The following SLC13A3 variants were observed in gnomAD, a reference collection of about 807,000 sequenced individuals.
The protein encoded by SLC13A3 is solute carrier family 13 member 3.
A neutral mutation model predicts 59.0 loss-of-function variants in SLC13A3; 40 were observed. That is an observed-to-expected ratio of 0.68 (90% CI 0.53 to 0.88). SLC13A3 has a LOEUF of 0.88. Ranked by LOEUF, SLC13A3 falls within the 40% of genes least tolerant of loss-of-function variation. The pLI is 0.00. For synonymous variants in SLC13A3, 317 were observed against 330.3 expected (o/e 0.96, Z 0.44); for missense variants, 699 against 783.2 (o/e 0.89, Z 1.28).
chr20:46,603,927 G>A (rs971724507), intron 3 of SLC13A3, among the ~76,000 whole-genome samples: 1 of 150,354 alleles, frequency 6.7e-6, no homozygotes, highest in Non-Finnish European at 1.5e-5. Context: ...GGAGGTCAAG[G>A]CTGCAGTGAA....
upstream of SLC13A3, among the ~76,000 whole-genome samples, chr20:46,674,400 T>G (rs944300986): frequency 6.6e-6 from 1 of 152,126 alleles, no homozygotes; most frequent in African/African-American, 2.4e-5. Context: ...GCCTGGATCG[T>G]TGACTAACCC....
chr20:46,561,233 A>C (rs142091922), intron 12 of SLC13A3, among the ~76,000 whole-genome samples: 1,596 of 152,266 alleles, frequency 0.01, 34 homozygotes, highest in African/African-American at 0.037. Flanking sequence ...GGACCAAACC[A>C]ATGTTCATCT....
chr20:46,666,813 A>AT (rs1440587762), intron 1 of SLC13A3, among the ~76,000 whole-genome samples: 1 of 151,946 alleles, frequency 6.6e-6, no homozygotes, highest in Non-Finnish European at 1.5e-5. Flanking sequence ...TGTGATTTTC[A>AT]TTTTTTTATT....
intron 1 of SLC13A3, among the ~76,000 whole-genome samples, chr20:46,614,810 T>C (rs906492029): frequency 8.5e-5 from 13 of 152,194 alleles, no homozygotes; most frequent in Non-Finnish European, 1.3e-4. Flanking sequence ...ACAAGTGCCC[T>C]GCTGCTGTTC....
At chr20:46,594,369 T>A (rs1444313600) in intron 5 of SLC13A3, among the ~76,000 whole-genome samples, 2 of 152,104 alleles carry the variant, frequency 1.3e-5, no homozygotes, top group African/African-American at 4.8e-5. Flanking sequence ...CCTACTCACA[T>A]CAGGGCAGGC....
chr20:46,596,431 T>A, intron 4 of SLC13A3, 89 bp from the exon 5 acceptor site: 1 of 1,222,452 alleles, frequency 8.2e-7, no homozygotes, highest in Non-Finnish European at 1.2e-6. Context: ...GTGATCTTTC[T>A]AGAAGGTAAT....
chr20:46,562,673 G>A (rs1339085694), intron 12 of SLC13A3, among the ~76,000 whole-genome samples: 1 of 152,176 alleles, frequency 6.6e-6, no homozygotes, highest in Non-Finnish European at 1.5e-5. Flanking sequence ...TGCCCCCAGT[G>A]GCTGGAACAT....
chr20:46,579,062 A>G (rs2062108738), intron 9 of SLC13A3, among the ~76,000 whole-genome samples: 1 of 152,140 alleles, frequency 6.6e-6, no homozygotes, highest in South Asian at 2.1e-4. Context: ...AAGAAAATCA[A>G]GGCTGGCTTG....
At chr20:46,590,778 C>T (rs1230883215) in intron 6 of SLC13A3, among the ~76,000 whole-genome samples, 1 of 152,070 alleles carries the variant, frequency 6.6e-6, no homozygotes, top group Non-Finnish European at 1.5e-5. Flanking sequence ...TTCTCTGATC[C>T]AGAAATCCCA....
chr20:46,566,321 C>T lies in SLC13A3; in HGVS notation c.1402G>A (p.Val468Met). The T allele has an allele frequency of 1.2e-6, 2 of 1,613,334 alleles. No individual in the cohort carries two copies. Among genetic ancestry groups the T allele is most frequent in the Non-Finnish European group, 1.7e-6 (2 of 1,179,392 alleles). Residue 468 changes from valine to methionine, a missense_variant, in exon 11 of 13, where the codon GTG becomes ATG. Coordinates refer to ENST00000279027, the MANE Select transcript of SLC13A3 (RefSeq NM_022829.6). Reference sequence around the variant, plus strand: ...GCGATGACCACAGTGATGAGCAGCACAGCCAGGGCGGGGGGCACATTCTCC... The same window carrying T: ...GCGATGACCACAGTGATGAGCAGCATAGCCAGGGCGGGGGGCACATTCTCC... The part of the protein sequence containing the change: ...PLENVPPALA[V>M]LLITVVIAFF...
At chr20:46,651,494 G>A (rs903409205), upstream of SLC13A3, 1 of 1,351,440 alleles carries the variant, frequency 7.4e-7, no homozygotes, top group African/African-American at 1.5e-5. Context: ...TTAAAGCCTG[G>A]GGGAGGGTCG....
At chr20:46,621,587 G>A (rs1325609526) in intron 1 of SLC13A3, among the ~76,000 whole-genome samples, 1 of 152,062 alleles carries the variant, frequency 6.6e-6, no homozygotes, top group Non-Finnish European at 1.5e-5. Flanking sequence ...TCTTATAGAT[G>A]GTTCTGGAAT....
At chr20:46,598,014 A>G (rs762693735) in intron 4 of SLC13A3, among the ~76,000 whole-genome samples, 1 of 152,132 alleles carries the variant, frequency 6.6e-6, no homozygotes, top group East Asian at 1.9e-4. Flanking sequence ...TATAATTTTT[A>G]TTTGTCAATT....
intron 1 of SLC13A3, among the ~76,000 whole-genome samples, chr20:46,617,433 G>C (rs574011658): frequency 2.2e-4 from 33 of 152,040 alleles, no homozygotes; most frequent in African/African-American, 7.0e-4. Flanking sequence ...AGTCCAGCCT[G>C]GGCAACACAG....
At chr20:46,640,373 G>A (rs2062836263) in intron 1 of SLC13A3, among the ~76,000 whole-genome samples, 1 of 152,138 alleles carries the variant, frequency 6.6e-6, no homozygotes, top group African/African-American at 2.4e-5. Flanking sequence ...GGGGCTTGCT[G>A]GCCTCCCCGG....
chr20:46,622,515 T>G (rs1433658470), intron 1 of SLC13A3, among the ~76,000 whole-genome samples: 5 of 152,114 alleles, frequency 3.3e-5, no homozygotes, highest in Non-Finnish European at 5.9e-5. Context: ...ACTTGAGCAT[T>G]TATTTGCCTA....
At chr20:46,584,267 T>A (rs539872974) in intron 8 of SLC13A3, 10 of 984,714 alleles carry the variant, frequency 1.0e-5, no homozygotes, top group Non-Finnish European at 1.2e-5. Context: ...AGAAACAACT[T>A]GTTCAAGGGC....
intron 1 of SLC13A3, among the ~76,000 whole-genome samples, chr20:46,642,028 G>A (rs558643687): frequency 5.3e-5 from 8 of 152,236 alleles, no homozygotes; most frequent in Non-Finnish European, 7.4e-5. Context: ...TGCCTTGCCC[G>A]AACATATTGC....
Position 46,677,595 on chromosome 20 carries a change from G to A in SLC13A3, c.-31+6801C>T, listed in dbSNP as rs566410864. ...TGTGATGGGGGCAGAGACTATGGGT[G>A]AAACCAGGGGTTTGTTTTGGGACCT... On this transcript the variant is annotated intron_variant, in intron 1 of 6. Transcript: ENST00000372121. 1.3e-4 allele frequency among the ~76,000 whole-genome samples: 20 copies of A among 152,276 alleles called. No individual in the cohort carries two copies. In the East Asian group the frequency reaches 3.7e-3, roughly 28 times the overall value.
Sources: allele counts gnomAD v4.1 joint callset (sites outside exome capture counted in the v4.1 genomes callset), GRCh38; gene constraint gnomAD v4.1.1; transcripts MANE v1.5; gene names NCBI Gene and HGNC (gene_info 2026-07-23, HGNC 2026-07-21).